The following LRBA variants were observed in gnomAD, a reference collection of about 807,000 sequenced individuals.
The protein encoded by LRBA is LPS responsive beige-like anchor protein.
A neutral mutation model predicts 330.0 loss-of-function variants in LRBA; 176 were observed. The observed-to-expected ratio is 0.53, with a 90% confidence interval of 0.47 to 0.60. The LOEUF is 0.60. Among genes scored for constraint, LRBA ranks in the 20% least tolerant of loss-of-function variants. LRBA has a pLI of 0.00. For synonymous variants in LRBA, 1,230 were observed against 1,193.0 expected (o/e 1.03, Z -0.64); for missense variants, 3,259 against 3,444.8 (o/e 0.95, Z 1.35).
intron 13 of LRBA, among the ~76,000 whole-genome samples, chr4:150,901,811 G>A (rs1730761188): frequency 6.6e-6 from 1 of 152,092 alleles, no homozygotes; most frequent in Admixed American, 6.6e-5. Context: ...CTGACCTGCC[G>A]CAAAATGTTA....
chr4:150,695,100 A>T (rs1784512789), intron 36 of LRBA, among the ~76,000 whole-genome samples: 1 of 152,308 alleles, frequency 6.6e-6, no homozygotes, highest in East Asian at 1.9e-4. Context: ...CAAAAAGACA[A>T]AGTGAATCCT....
rs761481027 is a variant in LRBA, at chr4:150,761,832, T to C, written c.5596A>G (p.Ile1866Val). 5 of 1,536,448 alleles carry C rather than the reference T, an allele frequency of 3.3e-6. No homozygotes were observed. The highest frequency in any genetic ancestry group is 2.2e-5 in the Admixed American group (1 of 45,412). Reference sequence around the variant, plus strand: ...AAAGCAAGGCCTGCATTCTTCTGAATAGAATTTTGCCACTCCTATAAAAAA... The same window carrying C: ...AAAGCAAGGCCTGCATTCTTCTGAACAGAATTTTGCCACTCCTATAAAAAA... Reference protein sequence around the residue: ...LLCSQEWQNSIQKNAGLAFIE... With the variant: ...LLCSQEWQNSVQKNAGLAFIE... Residue 1866 changes from isoleucine (I) to valine (V), a missense_variant, in exon 35 of 57, where the codon ATT becomes GTT. By Grantham distance (29) the Ile-to-Val change is conservative. Transcript: ENST00000651943.
At chr4:150,493,835 G>A (rs1353205350) in intron 40 of LRBA, among the ~76,000 whole-genome samples, 2 of 152,150 alleles carry the variant, frequency 1.3e-5, no homozygotes, top group African/African-American at 2.4e-5. Context: ...AGGGCCAGTA[G>A]CTTACACTGG....
At chr4:150,843,679 T>C (rs1190753309) in intron 28 of LRBA, among the ~76,000 whole-genome samples, 3 of 152,202 alleles carry the variant, frequency 2.0e-5, no homozygotes, top group African/African-American at 7.2e-5. Flanking sequence ...AGAGCATCAA[T>C]TTTAGAATTA....
At chr4:150,906,200 G>C (rs1731318505) in intron 12 of LRBA, 97 bp downstream of exon 12, 1 of 880,802 alleles carries the variant, frequency 1.1e-6, no homozygotes, top group East Asian at 2.4e-5. Context: ...CTGTAACCAA[G>C]GAGACATTCT....
chr4:150,833,953 C>G (rs758854735), intron 28 of LRBA, among the ~76,000 whole-genome samples: 13 of 152,170 alleles, frequency 8.5e-5, no homozygotes, highest in Non-Finnish European at 1.6e-4. Flanking sequence ...GTATCTTCAT[C>G]ATGAATGGAT....
intron 14 of LRBA, among the ~76,000 whole-genome samples, chr4:150,899,475 G>A (rs564096304): frequency 2.0e-5 from 3 of 152,078 alleles, no homozygotes; most frequent in East Asian, 3.8e-4. Context: ...CAGTTCCAAG[G>A]AGACTGTTAT....
intron 28 of LRBA, chr4:150,840,900 A>T (rs1198348247): frequency 1.9e-6 from 2 of 1,063,502 alleles, no homozygotes; most frequent in Non-Finnish European, 2.4e-6. Context: ...TTAATACTTA[A>T]TGTCAAAAAT....
At chr4:150,314,801 C>T (rs565806880) in intron 51 of LRBA, 8 of 152,172 alleles carry the variant, frequency 5.3e-5, no homozygotes, top group African/African-American at 1.7e-4. Context: ...CTAGAGATTT[C>T]GACTAATCTA....
At chr4:151,008,854 T>A (rs1037664720) in intron 2 of LRBA, among the ~76,000 whole-genome samples, 1 of 149,280 alleles carries the variant, frequency 6.7e-6, no homozygotes, top group Non-Finnish European at 1.5e-5. Flanking sequence ...ATCCCTGTAA[T>A]ACCAGTTACT....
chr4:150,347,370 G>T (rs947609815), intron 48 of LRBA, among the ~76,000 whole-genome samples: 1 of 152,162 alleles, frequency 6.6e-6, no homozygotes, highest in Admixed American at 6.5e-5. Flanking sequence ...AAATGGCCAG[G>T]GGCAGTGGCT....
intron 44 of LRBA, among the ~76,000 whole-genome samples, chr4:150,440,551 G>C (rs1325744809): frequency 6.6e-6 from 1 of 152,130 alleles, no homozygotes; most frequent in Non-Finnish European, 1.5e-5. Flanking sequence ...TGAAGCAGGA[G>C]AATAACTTGA....
chr4:150,554,553 T>C (rs1281727828), intron 40 of LRBA, among the ~76,000 whole-genome samples: 1 of 152,128 alleles, frequency 6.6e-6, no homozygotes, highest in Non-Finnish European at 1.5e-5. Context: ...CTAAAATGTT[T>C]TTAGTAAAAG....
chr4:150,828,313 CT>C lies in LRBA; in HGVS notation c.5037del (p.Asp1680ThrfsTer76), dbSNP rs1466972271. ...ATGTTAACCAAGCTTCGGAGAATGT[CT>C]TTCACATTGACGTTTTTTGAAACTG... is the stretch of plus-strand genomic sequence containing the variant. Reference protein sequence around the residue: ...SVSVSKNVNVKDILRSLVNIP... With the variant: ...SVSVSKNVNVXDILRSLVNIP... On this transcript the variant is annotated frameshift_variant, in exon 30 of 57. Coordinates refer to ENST00000651943, the MANE Select transcript of LRBA (RefSeq NM_001364905.1). LOFTEE classifies it high-confidence loss of function. 1 of 1,614,166 alleles carries C rather than the reference CT, an allele frequency of 6.2e-7. No homozygotes were observed. Among genetic ancestry groups the C allele is most frequent in the Non-Finnish European group, 8.5e-7 (1 of 1,180,002 alleles).
chr4:150,729,746 A>G lies in LRBA; in HGVS notation c.5754+5512T>C, dbSNP rs115185327. ...ATCAGATTATCTGACTTCAAATTAT[A>G]TTACTGAGTTATAGTAACCAAAACA... is the stretch of plus-strand genomic sequence containing the variant. On this transcript the variant is annotated intron_variant, in intron 36 of 56. Transcript: ENST00000651943. 3.4e-3 allele frequency among the ~76,000 whole-genome samples: 522 copies of G among 152,332 alleles called. 3 individuals carry two copies. The highest frequency in any genetic ancestry group is 5.3e-3 in the Non-Finnish European group (362 of 68,026).
chr4:150,462,314 C>T (rs1394914130), intron 44 of LRBA, among the ~76,000 whole-genome samples: 1 of 151,438 alleles, frequency 6.6e-6, no homozygotes, highest in African/African-American at 2.4e-5. Flanking sequence ...TAAATTAAAC[C>T]ATTTTATGCT....
chr4:150,584,316 G>C (rs772060357), intron 40 of LRBA: 2 of 480,814 alleles, frequency 4.2e-6, no homozygotes, highest in African/African-American at 4.0e-5. Context: ...AAAAGTGATC[G>C]TTTTCTTCCA....
At chr4:150,642,302 G>A (rs72736362) in intron 37 of LRBA, among the ~76,000 whole-genome samples, 4 of 151,614 alleles carry the variant, frequency 2.6e-5, no homozygotes, top group African/African-American at 7.3e-5. Context: ...AGAAAGTTGC[G>A]GGAGAATGGT....
At chr4:150,804,708 C>T (rs113091648) in intron 33 of LRBA, among the ~76,000 whole-genome samples, 72 of 152,222 alleles carry the variant, frequency 4.7e-4, no homozygotes, top group African/African-American at 1.7e-3. Flanking sequence ...CCATCAATCA[C>T]GGGCCCAAAA....
Sources: allele counts gnomAD v4.1 joint callset (sites outside exome capture counted in the v4.1 genomes callset), GRCh38; gene constraint gnomAD v4.1.1; transcripts MANE v1.5; gene names NCBI Gene and HGNC (gene_info 2026-07-23, HGNC 2026-07-21).